The following RNF180 variants were observed in gnomAD, a reference collection of about 807,000 sequenced individuals.
RNF180 encodes the protein E3 ubiquitin-protein ligase RNF180.
A neutral mutation model predicts 59.2 loss-of-function variants in RNF180; 38 were observed. The observed-to-expected ratio is 0.64, with a 90% CI of 0.50 to 0.84. RNF180 has a LOEUF of 0.84. Among genes scored for constraint, RNF180 ranks in the 40% least tolerant of loss-of-function variants. RNF180 has a pLI of 0.00. For missense variants in RNF180, 705 were observed against 700.9 expected, an observed-to-expected ratio of 1.01 and a Z score of -0.07; for synonymous variants, 262 against 240.3, an observed-to-expected ratio of 1.09 and a Z score of -0.84.
At chr5:64,307,111 GCTTT>G (rs35753904) in intron 5 of RNF180, among the ~76,000 whole-genome samples, 42,413 of 150,168 alleles carry the variant, frequency 0.28, 6,168 homozygotes, top group African/African-American at 0.35. Flanking sequence ...ATCTCTTCAT[GCTTT>G]CTGTCATTTC....
chr5:64,277,213 C>T (rs1053326548), intron 5 of RNF180, among the ~76,000 whole-genome samples: 4 of 147,196 alleles, frequency 2.7e-5, no homozygotes, highest in Admixed American at 2.0e-4. Context: ...AAAAAGAGAC[C>T]GCAGAGAGTG....
intron 5 of RNF180, among the ~76,000 whole-genome samples, chr5:64,227,074 C>T (rs1046733196): frequency 3.3e-5 from 5 of 152,178 alleles, no homozygotes; most frequent in East Asian, 3.9e-4. Context: ...CAGACACTCA[C>T]GAGATCGTCA....
chr5:64,239,898 G>A (rs1213812112), intron 5 of RNF180, among the ~76,000 whole-genome samples: 1 of 152,062 alleles, frequency 6.6e-6, no homozygotes, highest in Admixed American at 6.5e-5. Context: ...ATAACAAAAT[G>A]TATTTTTATG....
intron 1 of RNF180, among the ~76,000 whole-genome samples, chr5:64,168,272 A>G (rs1326315509): frequency 6.6e-6 from 1 of 152,204 alleles, no homozygotes; most frequent in Non-Finnish European, 1.5e-5. Flanking sequence ...TGTAAAACTC[A>G]GTTCTACCTT....
intron 5 of RNF180, among the ~76,000 whole-genome samples, chr5:64,261,103 A>G (rs1020833752): frequency 1.3e-5 from 2 of 152,170 alleles, no homozygotes; most frequent in Non-Finnish European, 2.9e-5. Flanking sequence ...GAAATAGTAG[A>G]TTTAACAATT....
intron 5 of RNF180, among the ~76,000 whole-genome samples, chr5:64,221,988 C>CT (rs200142727): frequency 1.3e-4 from 19 of 151,840 alleles, no homozygotes; most frequent in East Asian, 1.2e-3. Flanking sequence ...CCTAATAAGT[C>CT]TTTTTTTTGT....
chr5:64,196,172 T>C (rs1751446401), intron 1 of RNF180, among the ~76,000 whole-genome samples: 2 of 150,092 alleles, frequency 1.3e-5, no homozygotes, highest in South Asian at 2.1e-4. Context: ...AATGATGTCA[T>C]GTATTAACAG....
chr5:64,192,900 C>CATATAT (rs1174084249), intron 1 of RNF180, among the ~76,000 whole-genome samples: 1 of 32,842 alleles, frequency 3.0e-5, no homozygotes, highest in Non-Finnish European at 5.9e-5. Flanking sequence ...GAAAGTGTGG[C>CATATAT]ATGTATATAT....
At chr5:64,338,103 A>G (rs989690100) in intron 7 of RNF180, among the ~76,000 whole-genome samples, 1 of 152,196 alleles carries the variant, frequency 6.6e-6, no homozygotes, top group African/African-American at 2.4e-5. Context: ...AATGGTTGAA[A>G]TATATTGATA....
intron 5 of RNF180, among the ~76,000 whole-genome samples, chr5:64,244,174 T>C (rs886211886): frequency 1.3e-5 from 2 of 152,100 alleles, no homozygotes; most frequent in Admixed American, 6.5e-5. Context: ...AAAACCAGAA[T>C]GCCTCTTCTC....
At chr5:64,244,410 G>GA (rs141226484) in intron 5 of RNF180, among the ~76,000 whole-genome samples, 38,965 of 151,222 alleles carry the variant, frequency 0.26, 5,155 homozygotes, top group Middle Eastern at 0.33. Context: ...TGATGGAGCT[G>GA]AAAAAAAACA....
intron 5 of RNF180, among the ~76,000 whole-genome samples, chr5:64,244,272 G>T (rs1360811954): frequency 6.6e-6 from 1 of 152,122 alleles, no homozygotes; most frequent in Non-Finnish European, 1.5e-5. Context: ...GGCTTCAGAA[G>T]GTGGGTAATA....
At chr5:64,231,591 T>C (rs536153788) in intron 5 of RNF180, among the ~76,000 whole-genome samples, 2 of 152,368 alleles carry the variant, frequency 1.3e-5, no homozygotes, top group Non-Finnish European at 2.9e-5. Flanking sequence ...ATGCGAAATA[T>C]TGAAGCCAGA....
chr5:64,303,162 T>C (rs1238792218), intron 5 of RNF180, among the ~76,000 whole-genome samples: 2 of 151,644 alleles, frequency 1.3e-5, no homozygotes, highest in African/African-American at 4.8e-5. Flanking sequence ...CCATATAAGA[T>C]GGTGAACTTA....
At chr5:64,175,405 T>A (rs1299010271) in intron 1 of RNF180, among the ~76,000 whole-genome samples, 1 of 152,226 alleles carries the variant, frequency 6.6e-6, no homozygotes, top group Non-Finnish European at 1.5e-5. Flanking sequence ...GTGCTTATTA[T>A]ACCTTTATCA....
chr5:64,332,856 C>G (rs371902584), intron 7 of RNF180, among the ~76,000 whole-genome samples: 4 of 152,068 alleles, frequency 2.6e-5, no homozygotes, highest in African/African-American at 9.7e-5. Flanking sequence ...CTGCATAAGA[C>G]CAACAAAATC....
At chr5:64,351,416 C>T (rs2112583994) in intron 7 of RNF180, among the ~76,000 whole-genome samples, 1 of 152,054 alleles carries the variant, frequency 6.6e-6, no homozygotes, top group South Asian at 2.1e-4. Flanking sequence ...GCCTGATTGC[C>T]CTGGCCAGAA....
rs572390399 is a variant in RNF180, at chr5:64,190,776, G to A, written c.1-10032G>A. On this transcript the variant is annotated intron_variant, in intron 1 of 7. Coordinates refer to ENST00000389100, the MANE Select transcript of RNF180 (RefSeq NM_001113561.2). ...AGAGGAAAGGCCATGTGAGGACACA[G>A]TAAGAATGTGGCTGTCTGCAAGCCA... Among the ~76,000 whole-genome samples the A allele has an allele frequency of 6.8e-4, 104 of 152,320 alleles. 1 individual carries two copies. Among genetic ancestry groups the A allele is most frequent in the African/African-American group, 2.5e-3 (103 of 41,576 alleles).
chr5:64,290,026 A>G lies in RNF180; in HGVS notation c.1228-35160A>G, dbSNP rs139394693. Among the ~76,000 whole-genome samples the G allele has an allele frequency of 4.2e-3, 632 of 152,260 alleles. 4 individuals are homozygous for G. The highest frequency in any genetic ancestry group is 0.015 in the African/African-American group (613 of 41,568). ...CCTTTTTATGTGGGCATTTAGTTGT[A>G]TAATTTTCCCTCTTAACACGGCTTT... On this transcript the variant is annotated intron_variant, in intron 5 of 7. Coordinates refer to ENST00000389100, the MANE Select transcript of RNF180 (RefSeq NM_001113561.2).
Sources: allele counts gnomAD v4.1 joint callset (sites outside exome capture counted in the v4.1 genomes callset), GRCh38; gene constraint gnomAD v4.1.1; transcripts MANE v1.5; gene names NCBI Gene and HGNC (gene_info 2026-07-23, HGNC 2026-07-21).